Variants in CLEC12A observed in about 807,000 individuals in gnomAD.
The protein encoded by CLEC12A is C-type lectin protein CLL-1.
In CLEC12A, 22 loss-of-function variants were observed where a neutral mutation model predicts 26.5. The ratio of observed to expected loss-of-function variants is 0.83; its 90% CI spans 0.59 to 1.19. CLEC12A has a LOEUF of 1.19. CLEC12A is among the 50% of genes most tolerant of loss of function. CLEC12A has a pLI of 0.00. For synonymous variants in CLEC12A, 119 were observed against 101.9 expected (o/e 1.17, Z -1.01); for missense variants, 353 against 315.6 (o/e 1.12, Z -0.90).
chr12:10,002,728 C>G, the CLEC12A span, among the ~76,000 whole-genome samples: 2 of 152,124 alleles, frequency 1.3e-5, no homozygotes, highest in African/African-American at 2.4e-5. Flanking sequence ...AGGCGTGAGC[C>G]ACCGCACCCG....
intron 4 of CLEC12A, chr12:9,992,553 C>G (rs1565568331): frequency 1.3e-5 from 2 of 152,030 alleles, no homozygotes; most frequent in African/African-American, 4.8e-5. Context: ...GTACAGTTAA[C>G]ACTCTAAAGT....
intron 1 of CLEC12A, 86 bp from the exon 2 acceptor site, chr12:9,978,880 A>G: frequency 3.1e-6 from 3 of 964,796 alleles, no homozygotes; most frequent in South Asian, 1.3e-5. Flanking sequence ...AAATAAAGGT[A>G]AAATGAATGA....
At chr12:9,951,626 A>G (rs957419357) in intron 1 of CLEC12A, 26 of 469,740 alleles carry the variant, frequency 5.5e-5, no homozygotes, top group African/African-American at 5.1e-4. Flanking sequence ...AACTAGCCCA[A>G]CAAACAGGGA....
In CLEC12A at chr12:9,985,389, C is replaced by T. The variant is rs1263825897; in HGVS notation, c.*363C>T. On this transcript the variant is annotated 3_prime_UTR_variant, in exon 6 of 6. Transcript: ENST00000304361. The stretch of plus-strand genomic sequence containing the variant: ...AAACCAGCAAATTTTAATTTTGTCC[C>T]ACAGCGTTGCTAGGGTGGCATGGCT... 1 of 401,286 alleles carries T rather than the reference C, an allele frequency of 2.5e-6. No homozygotes were observed. The highest frequency in any genetic ancestry group is 4.4e-6 in the Non-Finnish European group (1 of 228,252). The allele number at this position is 401,286 out of a possible 1,614,324, so 24.9% of individuals were successfully genotyped here.
chr12:10,001,162 T>C, the CLEC12A span, among the ~76,000 whole-genome samples: 1 of 152,228 alleles, frequency 6.6e-6, no homozygotes, highest in Non-Finnish European at 1.5e-5. Context: ...TTTAAGATGG[T>C]ATTAAAGAGA....
intron 1 of CLEC12A, 62 bp downstream of exon 1, chr12:9,971,749 A>G (rs1864136573): frequency 7.3e-6 from 10 of 1,378,348 alleles, no homozygotes; most frequent in South Asian, 2.7e-5. Flanking sequence ...ATAGACTTGC[A>G]TCTTCAATAT....
Position 9,978,950 on chromosome 12 carries a change from AT to A in CLEC12A, c.92-12del, listed in dbSNP as rs781697261. The A allele has an allele frequency of 4.4e-6, 7 of 1,599,124 alleles. No individual in the cohort carries two copies. The highest frequency in any genetic ancestry group is 6.0e-6 in the Non-Finnish European group (7 of 1,166,838). On this transcript the variant is annotated splice_polypyrimidine_tract_variant and intron_variant, in intron 1 of 5. Coordinates refer to ENST00000304361, the MANE Select transcript of CLEC12A (RefSeq NM_138337.6). ...ATACCATTTTTAGGCCTCTCTGTTAATTTTGCTTTCCACAGCACCTCCAGCT... is the reference window on the plus strand; with the variant it reads ...ATACCATTTTTAGGCCTCTCTGTTAATTTGCTTTCCACAGCACCTCCAGCT...
downstream of CLEC12A, chr12:9,999,242 T>C (rs1865126463): frequency 1.9e-6 from 1 of 535,806 alleles, no homozygotes; most frequent in African/African-American, 1.9e-5. Flanking sequence ...ACACATTTGT[T>C]TTCCTTTGCT....
At chr12:9,998,294 G>C, downstream of CLEC12A, 1 of 1,613,762 alleles carries the variant, frequency 6.2e-7, no homozygotes. Context: ...CAAATCCCCA[G>C]AGCCACCAGC....
intron 5 of CLEC12A, chr12:9,984,109 ATGTG>A (rs748511128): frequency 1.7e-5 from 4 of 232,602 alleles, no homozygotes; most frequent in African/African-American, 7.1e-5. Context: ...TGATATATAT[ATGTG>A]TGTGTGTGTG....
chr12:10,003,404 A>G, the CLEC12A span, among the ~76,000 whole-genome samples: 1 of 152,236 alleles, frequency 6.6e-6, no homozygotes, highest in South Asian at 2.1e-4. Context: ...GTCAGTCTGC[A>G]GTCATACCGC....
chr12:9,951,637 G>C (rs1863611332), intron 1 of CLEC12A: 2 of 449,356 alleles, frequency 4.5e-6, no homozygotes, highest in Non-Finnish European at 8.2e-6. Flanking sequence ...CAAACAGGGA[G>C]AAAGCAACTC....
chr12:9,952,345 C>T (rs1863632906), intron 1 of CLEC12A, among the ~76,000 whole-genome samples: 3 of 151,058 alleles, frequency 2.0e-5, no homozygotes, highest in Admixed American at 6.6e-5. Context: ...ACCACCACGC[C>T]TGACTGGTTT....
Position 9,971,585 on chromosome 12 carries a change from A to G in CLEC12A, c.-12A>G. 6.2e-7 allele frequency: 1 copy of G among 1,601,602 alleles called. No homozygotes were observed. Among genetic ancestry groups the G allele is most frequent in the Non-Finnish European group, 8.5e-7 (1 of 1,174,442 alleles). On this transcript the variant is annotated 5_prime_UTR_variant, in exon 1 of 6. Transcript: ENST00000304361. The stretch of plus-strand genomic sequence containing the variant: ...TTTTACACTTTGTCAAGATTTCTTT[A>G]CATATTCATCAATGTCTGAAGAAGT...
At chr12:9,953,574 C>A (rs1245936061) in intron 1 of CLEC12A, among the ~76,000 whole-genome samples, 1 of 149,210 alleles carries the variant, frequency 6.7e-6, no homozygotes, top group African/African-American at 2.5e-5. Context: ...CCGCCCCGTC[C>A]GGGAGGGAGG....
downstream of CLEC12A, chr12:9,996,906 ACTCT>A: frequency 6.2e-7 from 1 of 1,613,806 alleles, no homozygotes; most frequent in Non-Finnish European, 8.5e-7. Context: ...AGTACTGCTT[ACTCT>A]CTTCCCATGT....
chr12:9,994,361 G>T (rs1378630986), intron 4 of CLEC12A, among the ~76,000 whole-genome samples: 2 of 152,100 alleles, frequency 1.3e-5, no homozygotes, highest in African/African-American at 4.8e-5. Flanking sequence ...GCTTGTAGTT[G>T]TAGTATCCTA....
At chr12:9,967,838 G>GGA (rs1348252897), upstream of CLEC12A, among the ~76,000 whole-genome samples, 1 of 152,194 alleles carries the variant, frequency 6.6e-6, no homozygotes, top group African/African-American at 2.4e-5. Context: ...TAAGGGTGAA[G>GGA]GACCAAGGCA....
At chr12:9,996,190 G>A (rs759994340), downstream of CLEC12A, among the ~76,000 whole-genome samples, 1 of 151,898 alleles carries the variant, frequency 6.6e-6, no homozygotes, top group Non-Finnish European at 1.5e-5. Flanking sequence ...TTGAGCCACC[G>A]GGAACCTTTC....
Sources: allele counts gnomAD v4.1 joint callset (sites outside exome capture counted in the v4.1 genomes callset), GRCh38; gene constraint gnomAD v4.1.1; transcripts MANE v1.5; gene names NCBI Gene and HGNC (gene_info 2026-07-23, HGNC 2026-07-21).